LHPP: variants seen among roughly 807,000 people sequenced by gnomAD.
LHPP encodes hLHPP.
Under a neutral mutation model 30.3 loss-of-function variants are expected in LHPP, and 24 were observed. The observed-to-expected ratio is 0.79, with a 90% CI of 0.57 to 1.11. The LOEUF is 1.11. Among genes scored for constraint, LHPP ranks in the 50% most tolerant of loss-of-function variants. The probability of loss-of-function intolerance (pLI) is 0.00; values close to 1 mark genes in which losing one functional copy is unlikely to be tolerated. For synonymous variants in LHPP, 150 were observed against 157.1 expected (o/e 0.95, Z 0.34); for missense variants, 356 against 367.2 (o/e 0.97, Z 0.25).
Position 124,496,566 on chromosome 10 carries a change from G to A in LHPP, c.468-395G>A, listed in dbSNP as rs907396036. On this transcript the variant is annotated intron_variant, in intron 3 of 6. Coordinates refer to ENST00000368842, the MANE Select transcript of LHPP (RefSeq NM_022126.4). This position sits in a 1 kb window ranked among gnomAD's most constrained non-coding sequence, Gnocchi z 4.3. ...GTTAATTATTAGCAATTAGGGGTTCGCCACATACCCCGTGGACCTGCTGTT... is the reference window on the plus strand; with the variant it reads ...GTTAATTATTAGCAATTAGGGGTTCACCACATACCCCGTGGACCTGCTGTT... Among the ~76,000 whole-genome samples, 2 of 152,178 alleles carry A rather than the reference G, an allele frequency of 1.3e-5. No homozygotes were observed. Among genetic ancestry groups the A allele is most frequent in the Non-Finnish European group, 2.9e-5 (2 of 68,038 alleles).
intron 6 of LHPP, among the ~76,000 whole-genome samples, chr10:124,571,044 C>T (rs947216082): frequency 2.6e-5 from 4 of 152,210 alleles, no homozygotes; most frequent in Non-Finnish European, 4.4e-5. Context: ...TTTTAAAAAG[C>T]GGAGTTGCCC....
At chr10:124,602,122 G>C (rs541497892) in intron 6 of LHPP, among the ~76,000 whole-genome samples, 19 of 152,234 alleles carry the variant, frequency 1.2e-4, no homozygotes, top group Non-Finnish European at 1.9e-4. Flanking sequence ...CCAGATGCAG[G>C]CTATGCCCCA....
rs907719112 is a variant in LHPP at position 124,590,483 on chromosome 10, C to T, written c.717-22781C>T. ...CAACTCCAGGCTACCCCGAGAAAGCCGCTGTGTGACCCCATTAGGGGACTT... is the reference window on the plus strand; with the variant it reads ...CAACTCCAGGCTACCCCGAGAAAGCTGCTGTGTGACCCCATTAGGGGACTT... On this transcript the variant is annotated intron_variant, in intron 6 of 6. Transcript: ENST00000368842. The surrounding 1 kb of genome is among the most constrained non-coding windows in gnomAD (Gnocchi z 4.3). 1.1e-4 allele frequency among the ~76,000 whole-genome samples: 16 copies of T among 152,290 alleles called. No individual in the cohort carries two copies. Among genetic ancestry groups the T allele is most frequent in the African/African-American group, 3.6e-4 (15 of 41,556 alleles).
chr10:124,507,139 T>G (rs1163133874), intron 5 of LHPP, among the ~76,000 whole-genome samples: 17 of 44,540 alleles, frequency 3.8e-4, no homozygotes, highest in Non-Finnish European at 4.4e-4. Context: ...GGTCGGGGGG[T>G]TAGAGAGGAT....
At chr10:124,497,324 G>A (rs528553680) in intron 4 of LHPP, among the ~76,000 whole-genome samples, 15 of 131,640 alleles carry the variant, frequency 1.1e-4, no homozygotes, top group Non-Finnish European at 1.9e-4. Flanking sequence ...CCTGCCCGCC[G>A]TGGACCCTGC....
chr10:124,607,994 C>T (rs1949117903), intron 6 of LHPP, among the ~76,000 whole-genome samples: 1 of 152,174 alleles, frequency 6.6e-6, no homozygotes, highest in Non-Finnish European at 1.5e-5. Context: ...GCACACAGGC[C>T]AGGCAGAGGT....
intron 5 of LHPP, among the ~76,000 whole-genome samples, chr10:124,503,643 G>C (rs1395095400): frequency 1.3e-5 from 2 of 151,826 alleles, no homozygotes; most frequent in Non-Finnish European, 2.9e-5. Flanking sequence ...CACAAAGCAA[G>C]ACATATTCAA....
At chr10:124,551,043 A>G (rs1283681111) in intron 6 of LHPP, among the ~76,000 whole-genome samples, 1 of 151,926 alleles carries the variant, frequency 6.6e-6, no homozygotes, top group African/African-American at 2.4e-5. Context: ...TTTCTACACA[A>G]CCCATCTGTA....
chr10:124,494,573 ATGGCCTTTG>A (rs1953646155), intron 3 of LHPP, among the ~76,000 whole-genome samples: 1 of 152,158 alleles, frequency 6.6e-6, no homozygotes, highest in Non-Finnish European at 1.5e-5. Context: ...GACGAGGGTC[ATGGCCTTTG>A]AGGGCCTGCA....
chr10:124,547,146 T>C, intron 6 of LHPP, among the ~76,000 whole-genome samples: 1 of 152,212 alleles, frequency 6.6e-6, no homozygotes, highest in East Asian at 1.9e-4. Context: ...CAGATACCAC[T>C]TTCTAAGTCA....
At chr10:124,530,407 C>T (rs1786072016) in intron 6 of LHPP, among the ~76,000 whole-genome samples, 1 of 152,098 alleles carries the variant, frequency 6.6e-6, no homozygotes, top group Non-Finnish European at 1.5e-5. Context: ...CGTGTGCTCA[C>T]GAGGGGCCCC....
intron 6 of LHPP, among the ~76,000 whole-genome samples, chr10:124,600,524 C>T (rs560082825): frequency 2.8e-4 from 42 of 152,376 alleles, no homozygotes; most frequent in African/African-American, 9.9e-4. Context: ...GGCAGTTGGT[C>T]TCCAGAAGGA....
At chr10:124,550,717 C>G (rs1202143188) in intron 6 of LHPP, among the ~76,000 whole-genome samples, 1 of 152,216 alleles carries the variant, frequency 6.6e-6, no homozygotes, top group Non-Finnish European at 1.5e-5. Flanking sequence ...CTCACTTCCC[C>G]TCTCCAGGCG....
intron 6 of LHPP, among the ~76,000 whole-genome samples, chr10:124,599,821 C>G (rs890932576): frequency 1.3e-5 from 2 of 152,256 alleles, no homozygotes; most frequent in African/African-American, 4.8e-5. Context: ...GAGCCATCCA[C>G]TCTGGGGGTG....
chr10:124,514,124 G>T (rs981039263), intron 5 of LHPP, among the ~76,000 whole-genome samples: 4 of 152,162 alleles, frequency 2.6e-5, no homozygotes, highest in African/African-American at 9.7e-5. Context: ...ACTATGACAC[G>T]GGTGGCACCA....
At chr10:124,569,196 G>A (rs1011943045) in intron 6 of LHPP, among the ~76,000 whole-genome samples, 6 of 152,234 alleles carry the variant, frequency 3.9e-5, no homozygotes, top group African/African-American at 1.4e-4. Context: ...GGAGCTGCTT[G>A]TGGCTTGAGG....
In LHPP at chr10:124,508,959, G is replaced by A. The variant is rs187988356; in HGVS notation, c.625-8221G>A. 4.3e-3 allele frequency among the ~76,000 whole-genome samples: 655 copies of A among 152,240 alleles called. 3 individuals carry two copies. The highest frequency in any genetic ancestry group is 0.011 in the South Asian group (52 of 4,820). ...GTGTGTCTTGGGGGTTTGGTGTGCA[G>A]ATTATTTTGTCCTCCAGGTCATAAG... On this transcript the variant is annotated intron_variant, in intron 5 of 6. Transcript: ENST00000368842.
At chr10:124,560,271 A>T (rs1948373559) in intron 6 of LHPP, among the ~76,000 whole-genome samples, 1 of 152,266 alleles carries the variant, frequency 6.6e-6, no homozygotes, top group Non-Finnish European at 1.5e-5. Flanking sequence ...AGCTAAAAAA[A>T]GTCCTTTCAT....
chr10:124,538,447 C>T (rs1955094018), intron 6 of LHPP, among the ~76,000 whole-genome samples: 1 of 152,228 alleles, frequency 6.6e-6, no homozygotes, highest in South Asian at 2.1e-4. Context: ...ACTCCAGTGG[C>T]TTCACAGGAG....
Sources: gnomAD v4.1 joint callset for allele counts (sites outside exome capture counted in the v4.1 genomes callset) on GRCh38, gnomAD v4.1.1 for gene constraint, Gnocchi (gnomAD v3.1) non-coding constraint, MANE v1.5 for transcripts, NCBI Gene and HGNC (gene_info 2026-07-23, HGNC 2026-07-21) for gene names.